Variants in HSD17B4 observed in about 807,000 individuals in gnomAD.
The protein encoded by HSD17B4 is hydroxysteroid 17-beta dehydrogenase 4.
HSD17B4 carries 70 observed loss-of-function variants against 101.0 expected under a neutral mutation model. That is an observed-to-expected ratio of 0.69 (90% CI 0.57 to 0.85). The LOEUF is 0.85. Among genes scored for constraint, HSD17B4 ranks in the 40% least tolerant of loss-of-function variants. HSD17B4 has a pLI of 0.00. For synonymous variants in HSD17B4, 347 were observed against 297.1 expected (o/e 1.17, Z -1.73); for missense variants, 984 against 892.4 (o/e 1.10, Z -1.31).
At chr5:119,469,016 C>T (rs1037677634) in intron 2 of HSD17B4, among the ~76,000 whole-genome samples, 5 of 151,028 alleles carry the variant, frequency 3.3e-5, no homozygotes, top group African/African-American at 1.2e-4. Context: ...ATATCTTACA[C>T]GAGTGTGAAC....
chr5:119,526,968 A>G (rs1479888327), intron 19 of HSD17B4, among the ~76,000 whole-genome samples, 165 bp from the exon 20 acceptor site: 2 of 151,998 alleles, frequency 1.3e-5, no homozygotes, highest in Non-Finnish European at 2.9e-5. Context: ...TCTTTATTTT[A>G]CTAATTTTAT....
intron 2 of HSD17B4, among the ~76,000 whole-genome samples, chr5:119,460,217 C>G (rs1312682261): frequency 6.6e-6 from 1 of 152,156 alleles, no homozygotes; most frequent in East Asian, 1.9e-4. Context: ...GATTAAATTT[C>G]AATGTGAGTT....
chr5:119,536,330 A>G (rs185859000), intron 22 of HSD17B4, 93 bp from the exon 23 acceptor site: 69 of 1,118,380 alleles, frequency 6.2e-5, no homozygotes, highest in African/African-American at 6.1e-4. Flanking sequence ...TAACATGGAA[A>G]CTATAGAAAT....
chr5:119,470,298 G>T (rs1356196399), intron 2 of HSD17B4, among the ~76,000 whole-genome samples: 2 of 152,070 alleles, frequency 1.3e-5, no homozygotes, highest in Admixed American at 6.5e-5. Context: ...TTCTGTGTGG[G>T]CATGGTGGGA....
intron 14 of HSD17B4, among the ~76,000 whole-genome samples, chr5:119,505,604 CTT>C (rs956791718): frequency 3.3e-5 from 5 of 152,052 alleles, no homozygotes; most frequent in African/African-American, 1.2e-4. Context: ...TATCCTGAAA[CTT>C]TTACTTGACT....
In HSD17B4 at chr5:119,527,169, C is replaced by A. The variant is rs535087010; in HGVS notation, c.1717C>A (p.Leu573Ile). ...AAAACCAGTATATCCAGGACAAACTCTACAAACTGAGATGTGGAAGGAAGG... is the reference window on the plus strand; with the variant it reads ...AAAACCAGTATATCCAGGACAAACTATACAAACTGAGATGTGGAAGGAAGG... The part of the protein sequence containing the change: ...FAKPVYPGQT[L>I]QTEMWKEGNR... Residue 573 changes from leucine to isoleucine, a missense_variant, in exon 20 of 24, where the codon CTA becomes ATA. By Grantham distance (5) the Leu-to-Ile change is conservative. Transcript: ENST00000510025. 2 of 1,610,416 alleles carry A rather than the reference C, an allele frequency of 1.2e-6. No individual in the cohort carries two copies. Among genetic ancestry groups the A allele is most frequent in the Non-Finnish European group, 1.7e-6 (2 of 1,177,164 alleles).
chr5:119,475,918 C>A (rs1748539578), intron 6 of HSD17B4, 48 bp downstream of exon 6: 5 of 1,346,024 alleles, frequency 3.7e-6, no homozygotes, highest in Non-Finnish European at 5.3e-6. Context: ...ATCCATTTAG[C>A]CTTTTTAGTA....
chr5:119,460,866 A>G (rs1375038982), intron 2 of HSD17B4, among the ~76,000 whole-genome samples: 1 of 152,214 alleles, frequency 6.6e-6, no homozygotes, highest in Non-Finnish European at 1.5e-5. Context: ...GAAGTGAAGG[A>G]GTGCGCCTTG....
intron 8 of HSD17B4, among the ~76,000 whole-genome samples, chr5:119,481,055 G>A (rs965054652): frequency 2.6e-5 from 4 of 152,106 alleles, no homozygotes; most frequent in African/African-American, 9.7e-5. Context: ...TGTACAATTG[G>A]TGCAGTTAAT....
intron 8 of HSD17B4, among the ~76,000 whole-genome samples, chr5:119,486,066 C>T (rs1321406224): frequency 2.0e-5 from 3 of 152,162 alleles, no homozygotes; most frequent in Non-Finnish European, 2.9e-5. Flanking sequence ...TCCGTTCCTT[C>T]CTACCTGTTG....
chr5:119,483,266 C>G (rs1434856753), intron 8 of HSD17B4, among the ~76,000 whole-genome samples: 1 of 152,160 alleles, frequency 6.6e-6, no homozygotes, highest in Non-Finnish European at 1.5e-5. Context: ...TGCTTGGGCT[C>G]TGGGGGCTTC....
At chr5:119,531,537 G>T in intron 22 of HSD17B4, 133 bp downstream of exon 22, 1 of 810,726 alleles carries the variant, frequency 1.2e-6, no homozygotes, top group Non-Finnish European at 2.0e-6. Flanking sequence ...TTTCCCGTGG[G>T]AATGAATAGG....
chr5:119,456,379 G>A lies in HSD17B4; in HGVS notation c.112+11G>A, dbSNP rs775970480. On this transcript the variant is annotated intron_variant, in intron 2 of 23. Transcript: ENST00000510025. The stretch of plus-strand genomic sequence containing the variant: ...GAGCGTTAGTTGTTGGTAAGTTGGT[G>A]TGTTTTTCTTTTTAATCTGTAGCTG... 68 of 1,578,926 alleles carry A rather than the reference G, an allele frequency of 4.3e-5. No individual in the cohort carries two copies. In the South Asian group the frequency reaches 6.3e-4, roughly 15 times the overall value.
At chr5:119,467,936 G>A (rs1179495525) in intron 2 of HSD17B4, among the ~76,000 whole-genome samples, 1 of 152,148 alleles carries the variant, frequency 6.6e-6, no homozygotes, top group Admixed American at 6.5e-5. Flanking sequence ...TACAAGCAAA[G>A]TGAGTTTCTT....
At chr5:119,507,999 A>G (rs2126810481) in intron 15 of HSD17B4, among the ~76,000 whole-genome samples, 1 of 152,124 alleles carries the variant, frequency 6.6e-6, no homozygotes, top group East Asian at 1.9e-4. Flanking sequence ...AGGTTATACT[A>G]TATATGCTGT....
intron 23 of HSD17B4, among the ~76,000 whole-genome samples, chr5:119,537,712 G>A (rs1167565428): frequency 6.6e-6 from 1 of 152,132 alleles, no homozygotes; most frequent in Non-Finnish European, 1.5e-5. Context: ...GGTCTCTGTT[G>A]CAGCTCTTCA....
intron 8 of HSD17B4, among the ~76,000 whole-genome samples, chr5:119,485,156 T>C (rs1489697379): frequency 1.3e-5 from 2 of 152,130 alleles, no homozygotes; most frequent in African/African-American, 2.4e-5. Context: ...AACCACTAGT[T>C]AGAATTTGTG....
chr5:119,527,237 TC>T lies in HSD17B4; in HGVS notation c.1767+19del. 7.5e-7 allele frequency: 1 copy of T among 1,332,064 alleles called. No homozygotes were observed. The highest frequency in any genetic ancestry group is 1.1e-6 in the Non-Finnish European group (1 of 923,782). 82.5% of individuals were successfully genotyped at this position (1,332,064 alleles called of 1,614,324 possible). A position where few individuals can be genotyped will look rare whatever the true frequency, so the allele number is the denominator to read the frequency against. ...AAACCAAGGTATGAATTTTGCTTTT[TC>T]ACCCTTCTCACATGCTTTATCATTG... On this transcript the variant is annotated intron_variant, in intron 20 of 23. Coordinates refer to ENST00000510025, the MANE Select transcript of HSD17B4 (RefSeq NM_000414.4).
chr5:119,526,602 T>C (rs1272181077), intron 19 of HSD17B4, among the ~76,000 whole-genome samples: 1 of 152,022 alleles, frequency 6.6e-6, no homozygotes, highest in Non-Finnish European at 1.5e-5. Flanking sequence ...TTATCCTCCA[T>C]GCAGTAGTGA....
Sources: gnomAD v4.1 joint callset for allele counts (sites outside exome capture counted in the v4.1 genomes callset) on GRCh38, gnomAD v4.1.1 for gene constraint, MANE v1.5 for transcripts, NCBI Gene and HGNC (gene_info 2026-07-23, HGNC 2026-07-21) for gene names.